The following STK32A variants were observed in gnomAD, a reference collection of about 807,000 sequenced individuals.
STK32A encodes the protein serine/threonine-protein kinase 32A.
Under a neutral mutation model 53.2 loss-of-function variants are expected in STK32A, and 41 were observed. The ratio of observed to expected loss-of-function variants is 0.77; its 90% CI spans 0.60 to 1.00. STK32A has a LOEUF of 1.00. STK32A is among the 50% of genes least tolerant of loss of function. STK32A has a pLI of 0.00. For missense variants in STK32A, 458 were observed against 485.8 expected (o/e 0.94, Z 0.54); for synonymous variants, 166 against 162.8 (o/e 1.02, Z -0.15).
intron 2 of STK32A, among the ~76,000 whole-genome samples, chr5:147,257,566 G>A (rs1754289313): frequency 6.6e-6 from 1 of 152,196 alleles, no homozygotes; most frequent in African/African-American, 2.4e-5. Flanking sequence ...TAGTTTGGCA[G>A]GGCTTTCCCC....
At chr5:147,239,444 T>TA (rs1260993970) in intron 1 of STK32A, 95 bp from the exon 2 acceptor site, 2 of 489,046 alleles carry the variant, frequency 4.1e-6, no homozygotes, top group East Asian at 6.7e-5. Context: ...TTCACTACAG[T>TA]GATACAGATG....
chr5:147,268,292 T>C (rs773974479), intron 2 of STK32A, among the ~76,000 whole-genome samples: 3 of 152,220 alleles, frequency 2.0e-5, no homozygotes, highest in Non-Finnish European at 4.4e-5. Context: ...GAATAGATCA[T>C]CAAGTCCCTT....
intron 8 of STK32A, among the ~76,000 whole-genome samples, chr5:147,365,990 C>CT (rs1251368097): frequency 2.0e-5 from 3 of 151,972 alleles, no homozygotes; most frequent in Non-Finnish European, 4.4e-5. Context: ...CAGATATGAC[C>CT]TTTTTTGTTA....
At chr5:147,299,599 TA>T (rs1364079226) in intron 4 of STK32A, among the ~76,000 whole-genome samples, 2 of 152,170 alleles carry the variant, frequency 1.3e-5, no homozygotes, top group African/African-American at 2.4e-5. Flanking sequence ...TCTGGGGTGG[TA>T]AAATGTCAAC....
At chr5:147,349,543 C>G (rs547980081) in intron 6 of STK32A, among the ~76,000 whole-genome samples, 56 of 152,168 alleles carry the variant, frequency 3.7e-4, no homozygotes, top group Admixed American at 6.5e-4. Context: ...CCCTTTTGTT[C>G]CCTTTAGCTG....
intron 11 of STK32A, among the ~76,000 whole-genome samples, chr5:147,376,109 C>T (rs149781725): frequency 2.6e-5 from 4 of 151,940 alleles, no homozygotes; most frequent in African/African-American, 7.2e-5. Flanking sequence ...ATTGTGTAGT[C>T]TTGTGGTAAA....
Position 147,384,472 on chromosome 5 carries a change from T to G in STK32A, c.*489T>G. The G allele has an allele frequency of 6.7e-7, 1 of 1,490,396 alleles. No individual in the cohort carries two copies. Among genetic ancestry groups the G allele is most frequent in the Non-Finnish European group, 9.0e-7 (1 of 1,108,456 alleles). 92.3% of individuals were successfully genotyped at this position (1,490,396 alleles called of 1,614,324 possible). Reference sequence around the variant, plus strand: ...ATGCCCCAGGCTACTTGGATAAAGATAAGGAATTCTATCAGGGAGGCATGA... The same window carrying G: ...ATGCCCCAGGCTACTTGGATAAAGAGAAGGAATTCTATCAGGGAGGCATGA... On this transcript the variant is annotated 3_prime_UTR_variant, in exon 13 of 13. Transcript: ENST00000397936.
In STK32A at chr5:147,317,878, G is replaced by A. The variant is rs550302094; in HGVS notation, c.261-6020G>A. On this transcript the variant is annotated intron_variant, in intron 4 of 12. Transcript: ENST00000397936. ...TAGCCTAGATAATTTATAAAGATTAGATAACTGACTCATTTTTATTAGTTT... is the reference window on the plus strand; with the variant it reads ...TAGCCTAGATAATTTATAAAGATTAAATAACTGACTCATTTTTATTAGTTT... 4.6e-5 allele frequency among the ~76,000 whole-genome samples: 7 copies of A among 152,248 alleles called. No homozygotes were observed. The South Asian group carries it at 1.4e-3, about 32-fold the overall frequency.
the STK32A span, chr5:147,399,285 A>G: frequency 7.5e-6 from 12 of 1,598,980 alleles, no homozygotes; most frequent in African/African-American, 9.4e-5. Context: ...ATCTATATCT[A>G]TAGCTACATA....
intron 5 of STK32A, among the ~76,000 whole-genome samples, chr5:147,327,674 C>T (rs1231197130): frequency 6.6e-6 from 1 of 152,232 alleles, no homozygotes. Context: ...CTTCCCATAG[C>T]TCCAGGAGGT....
At chr5:147,324,250 G>C (rs961011230) in intron 5 of STK32A, among the ~76,000 whole-genome samples, 179 bp downstream of exon 5, 1 of 152,170 alleles carries the variant, frequency 6.6e-6, no homozygotes, top group African/African-American at 2.4e-5. Flanking sequence ...TGAACACATA[G>C]AGCTTAATTT....
chr5:147,271,111 G>A (rs1755013699), intron 2 of STK32A, among the ~76,000 whole-genome samples: 1 of 152,052 alleles, frequency 6.6e-6, no homozygotes, highest in African/African-American at 2.4e-5. Flanking sequence ...GTTGCAGGAA[G>A]TCAGAGACCC....
At position 147,375,193 on chromosome 5, in the gene STK32A, A is replaced by T. The variant is rs758034143; in HGVS notation, c.1007A>T (p.Asp336Val). Residue 336 changes from aspartate (D) to valine (V), a missense_variant, in exon 11 of 13, where the codon GAT becomes GTT. Coordinates refer to ENST00000397936, the MANE Select transcript of STK32A (RefSeq NM_001112724.2). ...KKKRLAKKEK[D>V]MRKCDSSQTC... is the part of the protein sequence containing the mutation. ...AAGCGTCTGGCAAAGAAGGAGAAGGATATGAGGAAATGCGATTCTTCTCAG... is the reference window on the plus strand; with the variant it reads ...AAGCGTCTGGCAAAGAAGGAGAAGGTTATGAGGAAATGCGATTCTTCTCAG... 2 of 1,611,144 alleles carry T rather than the reference A, an allele frequency of 1.2e-6. No homozygotes were observed. Among genetic ancestry groups the T allele is most frequent in the Non-Finnish European group, 1.7e-6 (2 of 1,178,666 alleles).
At chr5:147,245,154 G>T (rs186051945) in intron 2 of STK32A, among the ~76,000 whole-genome samples, 2 of 152,078 alleles carry the variant, frequency 1.3e-5, no homozygotes, top group African/African-American at 4.8e-5. Flanking sequence ...TCCCCCTGAG[G>T]TTATTGTATT....
chr5:147,237,156 C>A (rs1753358341), intron 1 of STK32A, among the ~76,000 whole-genome samples: 1 of 151,788 alleles, frequency 6.6e-6, no homozygotes, highest in African/African-American at 2.4e-5. Context: ...ACTAAAAATA[C>A]AAAAAAATTA....
At chr5:147,352,450 G>A (rs1271414834) in intron 7 of STK32A, among the ~76,000 whole-genome samples, 4 of 152,146 alleles carry the variant, frequency 2.6e-5, no homozygotes, top group Admixed American at 2.6e-4. Flanking sequence ...CACCTGTTGG[G>A]AGCAGCCATC....
At chr5:147,273,215 G>A (rs1281669412) in intron 2 of STK32A, among the ~76,000 whole-genome samples, 1 of 152,160 alleles carries the variant, frequency 6.6e-6, no homozygotes, top group African/African-American at 2.4e-5. Context: ...GAAATAAAAA[G>A]TATCATCACT....
At chr5:147,351,885 C>T (rs192326225) in intron 7 of STK32A, among the ~76,000 whole-genome samples, 36 of 152,148 alleles carry the variant, frequency 2.4e-4, no homozygotes, top group Admixed American at 5.9e-4. Context: ...AAGTAGGAAA[C>T]AGTAATAAGC....
chr5:147,308,725 A>G (rs1179964614), intron 4 of STK32A, among the ~76,000 whole-genome samples: 1 of 133,474 alleles, frequency 7.5e-6, no homozygotes, highest in African/African-American at 2.7e-5. Context: ...AAGTCACTAG[A>G]AGTTTTTTTT....
Sources: gnomAD v4.1 joint callset for allele counts (sites outside exome capture counted in the v4.1 genomes callset) on GRCh38, gnomAD v4.1.1 for gene constraint, MANE v1.5 for transcripts, NCBI Gene and HGNC (gene_info 2026-07-23, HGNC 2026-07-21) for gene names.